Variants in SEMA3D observed in about 807,000 individuals in gnomAD.
SEMA3D encodes the protein semaphorin 3D, also known as semaphorin-3D.
A neutral mutation model predicts 100.1 loss-of-function variants in SEMA3D; 84 were observed. The ratio of observed to expected loss-of-function variants is 0.84; its 90% CI spans 0.70 to 1.01. The LOEUF (loss-of-function observed/expected upper bound fraction) is 1.01. Ranked by LOEUF, SEMA3D falls within the 50% of genes least tolerant of loss-of-function variation. The pLI is 0.00. For missense variants in SEMA3D, 875 were observed against 934.1 expected (o/e 0.94, Z 0.82); for synonymous variants, 312 against 320.7 (o/e 0.97, Z 0.29).
intron 9 of SEMA3D, among the ~76,000 whole-genome samples, chr7:85,047,745 T>C (rs961813326): frequency 6.6e-6 from 1 of 151,850 alleles, no homozygotes; most frequent in Non-Finnish European, 1.5e-5. Context: ...GACACCAGTT[T>C]CAAATCAATA....
At chr7:85,178,598 C>T (rs1221895930) in intron 1 of SEMA3D, among the ~76,000 whole-genome samples, 1 of 152,166 alleles carries the variant, frequency 6.6e-6, no homozygotes, top group East Asian at 1.9e-4. Flanking sequence ...AAATTTCTAA[C>T]TGGCAAAGGG....
chr7:85,095,855 C>T (rs958774950), intron 4 of SEMA3D, among the ~76,000 whole-genome samples: 1 of 151,920 alleles, frequency 6.6e-6, no homozygotes, highest in African/African-American at 2.4e-5. Flanking sequence ...TAAACATTTA[C>T]TTTTTAAAAT....
At chr7:85,081,488 A>G (rs1426104843) in intron 5 of SEMA3D, 29 bp downstream of exon 5, 2 of 1,459,738 alleles carry the variant, frequency 1.4e-6, no homozygotes, top group Non-Finnish European at 9.6e-7. Flanking sequence ...GAAGTTTTAC[A>G]AAGATAATTG....
chr7:85,124,101 C>G (rs1789502300), intron 2 of SEMA3D, among the ~76,000 whole-genome samples: 1 of 151,936 alleles, frequency 6.6e-6, no homozygotes, highest in South Asian at 2.1e-4. Flanking sequence ...CCAGTAGGAA[C>G]ACATTAATGC....
chr7:85,004,614 C>T (rs1179708357), intron 18 of SEMA3D, among the ~76,000 whole-genome samples: 1 of 152,052 alleles, frequency 6.6e-6, no homozygotes, highest in African/African-American at 2.4e-5. Flanking sequence ...AGAGAATAAC[C>T]TGGTGACAGC....
At chr7:85,156,492 G>A (rs1583975466) in intron 1 of SEMA3D, among the ~76,000 whole-genome samples, 1 of 152,020 alleles carries the variant, frequency 6.6e-6, no homozygotes, top group Non-Finnish European at 1.5e-5. Context: ...AGGAATAATC[G>A]AATTTTCCAG....
chr7:85,181,341 C>CAT (rs1562847437), intron 1 of SEMA3D, among the ~76,000 whole-genome samples: 1 of 133,962 alleles, frequency 7.5e-6, no homozygotes, highest in African/African-American at 2.8e-5. Context: ...CACACACACA[C>CAT]ACACACACAC....
In SEMA3D at chr7:85,159,839, C is replaced by A. The variant is rs1277936402; in HGVS notation, c.-172-6100G>T. ...ATACTCTTTCCTTCACACTGTCCTG[C>A]AGATAGTAGGATTTCAGTAACCATT... is the stretch of plus-strand genomic sequence containing the variant. On this transcript the variant is annotated intron_variant, in intron 1 of 18. Transcript: ENST00000284136. 9 of 984,876 alleles carry A rather than the reference C, an allele frequency of 9.1e-6. No individual in the cohort carries two copies. The African/African-American group carries it at 1.6e-4, about 17-fold the overall frequency. The allele number at this position is 984,876 out of a possible 1,614,324, so 61.0% of individuals were successfully genotyped here.
upstream of SEMA3D, among the ~76,000 whole-genome samples, chr7:85,188,017 T>C (rs532392080): frequency 6.6e-6 from 1 of 152,318 alleles, no homozygotes; most frequent in African/African-American, 2.4e-5. Context: ...GGATCCTGCA[T>C]TTGTCAGCTT....
the SEMA3D span, among the ~76,000 whole-genome samples, chr7:85,248,787 C>T: frequency 1.6e-4 from 24 of 150,860 alleles, no homozygotes; most frequent in East Asian, 9.7e-4. Flanking sequence ...ACTATGGAAA[C>T]GGTAAAAAAA....
the SEMA3D span, among the ~76,000 whole-genome samples, chr7:85,230,926 A>G: frequency 6.6e-6 from 1 of 152,116 alleles, no homozygotes; most frequent in African/African-American, 2.4e-5. Flanking sequence ...AACAAACTCA[A>G]CAAGAACACC....
chr7:85,217,140 T>C, the SEMA3D span, among the ~76,000 whole-genome samples: 8 of 152,052 alleles, frequency 5.3e-5, no homozygotes, highest in Non-Finnish European at 1.2e-4. Flanking sequence ...GTACACAACA[T>C]CTTTATTATT....
At chr7:85,017,018 G>A (rs1790123737) in intron 15 of SEMA3D, among the ~76,000 whole-genome samples, 1 of 151,520 alleles carries the variant, frequency 6.6e-6, no homozygotes, top group Non-Finnish European at 1.5e-5. Context: ...TACTTCTCCA[G>A]ATTCATTTCT....
intron 1 of SEMA3D, among the ~76,000 whole-genome samples, chr7:85,179,310 A>G (rs1056417134): frequency 2.0e-5 from 3 of 152,120 alleles, no homozygotes; most frequent in Non-Finnish European, 2.9e-5. Flanking sequence ...CAGACACTCA[A>G]TGCTGACCTG....
intron 4 of SEMA3D, among the ~76,000 whole-genome samples, chr7:85,091,952 A>C (rs1788406469): frequency 6.6e-6 from 1 of 152,070 alleles, no homozygotes; most frequent in African/African-American, 2.4e-5. Flanking sequence ...TGAGAAATCT[A>C]CATACAATCA....
chr7:85,186,439 G>A (rs1401375182), intron 1 of SEMA3D, among the ~76,000 whole-genome samples: 2 of 152,162 alleles, frequency 1.3e-5, no homozygotes, highest in Non-Finnish European at 2.9e-5. Context: ...GGCGGGGTGG[G>A]ACTGCGCCCC....
rs1381734241 is a variant in SEMA3D at position 85,065,419 on chromosome 7, C to G, written c.718+5G>C. 1 of 1,611,120 alleles carries G rather than the reference C, an allele frequency of 6.2e-7. No homozygotes were observed. The highest frequency in any genetic ancestry group is 1.7e-5 in the Admixed American group (1 of 59,716). On this transcript the variant is annotated splice_donor_5th_base_variant and intron_variant, in intron 8 of 18. Transcript: ENST00000284136. ...ATCAAAAGTAAACAAAAAAAAATCA[C>G]AAACCATTGAGCCAGTAGTGCTCTG...
chr7:85,228,090 T>A, the SEMA3D span, among the ~76,000 whole-genome samples: 1 of 152,174 alleles, frequency 6.6e-6, no homozygotes, highest in African/African-American at 2.4e-5. Flanking sequence ...TAGACTGTAC[T>A]TTTTATAAAT....
Position 85,032,691 on chromosome 7 carries a change from C to T in SEMA3D, c.1191+4198G>A, listed in dbSNP as rs554988729. On this transcript the variant is annotated intron_variant, in intron 12 of 18. Coordinates refer to ENST00000284136, the MANE Select transcript of SEMA3D (RefSeq NM_001384900.1). ...ATAAATTTATATTATGTGGTTTCTG[C>T]TTATCTAAAGAGAGCATAGATATAA... Among the ~76,000 whole-genome samples the T allele has an allele frequency of 2.0e-5, 3 of 152,120 alleles. No homozygotes were observed. The South Asian group carries it at 6.2e-4, about 32-fold the overall frequency.
Sources: allele counts gnomAD v4.1 joint callset (sites outside exome capture counted in the v4.1 genomes callset), GRCh38; gene constraint gnomAD v4.1.1; transcripts MANE v1.5; gene names NCBI Gene and HGNC (gene_info 2026-07-23, HGNC 2026-07-21).